OR2L2: variants seen among roughly 807,000 people sequenced by gnomAD.
OR2L2 encodes the protein olfactory receptor 2L2.
For missense variants in OR2L2, 378 were observed against 375.2 expected, an observed-to-expected ratio of 1.01 and a Z score of -0.06; for synonymous variants, 156 against 135.4, an observed-to-expected ratio of 1.15 and a Z score of -1.06.
chr1:248,039,007 T>C lies in OR2L2; in HGVS notation c.740T>C (p.Val247Ala), dbSNP rs143479944. Residue 247 changes from valine to alanine, a missense_variant, in exon 3 of 3, where the codon GTG becomes GCG. Val to Ala is a moderately conservative substitution (Grantham distance 64). Transcript: ENST00000641771. ...YSTCSTHLTV[V>A]SFYYAPFAYT... Reference sequence around the variant, plus strand: ...ACCTGTAGCACCCACCTCACTGTAGTGTCCTTCTACTATGCACCCTTTGCT... The same window carrying C: ...ACCTGTAGCACCCACCTCACTGTAGCGTCCTTCTACTATGCACCCTTTGCT... 3.3e-5 allele frequency: 53 copies of C among 1,613,990 alleles called. No individual in the cohort carries two copies. The Admixed American group carries it at 6.0e-4, about 18-fold the overall frequency.
rs1012988649 is a variant in OR2L2 at position 248,041,347 on chromosome 1, C to T, written c.*2141C>T. ...CTGGATCCCTTCCTTACACCTTATA[C>T]AAAAATCAATTCAAGATGGATTAAA... is the stretch of plus-strand genomic sequence containing the variant. On this transcript the variant is annotated 3_prime_UTR_variant, in exon 3 of 3. Coordinates refer to ENST00000641771, the MANE Select transcript of OR2L2 (RefSeq NM_001385855.1). The T allele has an allele frequency of 6.6e-6, 1 of 152,022 alleles. No homozygotes were observed. Among genetic ancestry groups the T allele is most frequent in the Non-Finnish European group, 1.5e-5 (1 of 68,000 alleles). The allele number at this position is 152,022 out of a possible 1,614,324, so 9.4% of individuals were successfully genotyped here. A position where few individuals can be genotyped will look rare whatever the true frequency, so the allele number is the denominator to read the frequency against.
rs1216195487 is a variant in OR2L2 at position 248,040,605 on chromosome 1, T to C, written c.*1399T>C. 1 of 152,218 alleles carries C rather than the reference T, an allele frequency of 6.6e-6. No homozygotes were observed. Among genetic ancestry groups the C allele is most frequent in the African/African-American group, 2.4e-5 (1 of 41,456 alleles). The allele number at this position is 152,218 out of a possible 1,614,324, so 9.4% of individuals were successfully genotyped here. A position where few individuals can be genotyped will look rare whatever the true frequency, so the allele number is the denominator to read the frequency against. ...AAATAAATAGTAAACATATTTTCTC[T>C]TTCTGATGATTTTCTCAATAAGATA... On this transcript the variant is annotated 3_prime_UTR_variant, in exon 3 of 3. Transcript: ENST00000641771.
At position 248,038,705 on chromosome 1, in the gene OR2L2, AT is replaced by A; in HGVS notation, c.439del (p.Ser147LeufsTer3). The A allele has an allele frequency of 6.2e-7, 1 of 1,614,076 alleles. No homozygotes were observed. Among genetic ancestry groups the A allele is most frequent in the South Asian group, 1.1e-5 (1 of 91,080 alleles). On this transcript the variant is annotated frameshift_variant, in exon 3 of 3. Transcript: ENST00000641771. LOFTEE classifies it low-confidence loss of function (END_TRUNC). Reference sequence around the variant, plus strand: ...GAGTGTGTGTGATGATGATAACAGGATCTTGGATGATAAGCTCTATCAACTC... The same window carrying A: ...GAGTGTGTGTGATGATGATAACAGGACTTGGATGATAAGCTCTATCAACTC... ...KRVCVMMITG[S>X]WMISSINSCA...
At chr1:248,031,971 C>A (rs1201386879) in intron 1 of OR2L2, among the ~76,000 whole-genome samples, 1 of 151,764 alleles carries the variant, frequency 6.6e-6, no homozygotes, top group African/African-American at 2.4e-5. Context: ...CATCGACTGC[C>A]CTATATAAAA....
At chr1:248,036,278 C>T (rs573626463) in intron 2 of OR2L2, among the ~76,000 whole-genome samples, 15 of 151,764 alleles carry the variant, frequency 9.9e-5, no homozygotes, top group East Asian at 3.9e-4. Context: ...TTTTCACTTT[C>T]GTATTTTGAA....
rs906454119 is a variant in OR2L2, at chr1:248,041,246, C to G, written c.*2040C>G. The stretch of plus-strand genomic sequence containing the variant: ...TGATCTTTGACAAACCTGAGAAAAA[C>G]AAGCAATGGGGAAAGGATTCCCTAT... On this transcript the variant is annotated 3_prime_UTR_variant, in exon 3 of 3. Transcript: ENST00000641771. 11 of 152,064 alleles carry G rather than the reference C, an allele frequency of 7.2e-5. No individual in the cohort carries two copies. Among genetic ancestry groups the G allele is most frequent in the Non-Finnish European group, 1.0e-4 (7 of 68,006 alleles). 9.4% of individuals were successfully genotyped at this position (152,064 alleles called of 1,614,324 possible).
In OR2L2 at chr1:248,038,397, A is replaced by G. The variant is rs575003795; in HGVS notation, c.130A>G (p.Met44Val). 1 of 1,613,680 alleles carries G rather than the reference A, an allele frequency of 6.2e-7. No homozygotes were observed. The highest frequency in any genetic ancestry group is 2.2e-5 in the East Asian group (1 of 44,868). ...FLMALIGNLS[M>V]ILLIFLDIHL... The stretch of plus-strand genomic sequence containing the variant: ...AATGGCTCTAATTGGAAATCTATCC[A>G]TGATTCTTCTCATCTTTTTGGACAT... Residue 44 changes from methionine to valine, a missense_variant, in exon 3 of 3, where the codon ATG (methionine) becomes GTG (valine). Transcript: ENST00000641771.
Position 248,038,786 on chromosome 1 carries a change from C to T in OR2L2, c.519C>T (p.Ile173=). Reference sequence around the variant, plus strand: ...TCCCATATTGCAAGTCCAGAGCCATCAATCATTTTTTCTGTGATGTTCCAG... The same window carrying T: ...TCCCATATTGCAAGTCCAGAGCCATTAATCATTTTTTCTGTGATGTTCCAG... ...LCIPYCKSRA[I]NHFFCDVPAM... Residue 173 remains isoleucine, a synonymous_variant, in exon 3 of 3, where the codon ATC becomes ATT. Transcript: ENST00000641771. 6.2e-7 allele frequency: 1 copy of T among 1,614,176 alleles called. No homozygotes were observed. The highest frequency in any genetic ancestry group is 8.5e-7 in the Non-Finnish European group (1 of 1,180,038).
chr1:248,039,077 C>A lies in OR2L2; in HGVS notation c.810C>A (p.Asp270Glu), dbSNP rs777289994. The A allele has an allele frequency of 3.7e-5, 60 of 1,613,964 alleles. No homozygotes were observed. The highest frequency in any genetic ancestry group is 4.9e-5 in the Non-Finnish European group (58 of 1,180,004). ...RPRSLRSPTE[D>E]KILAVFYTIL... is the part of the protein sequence containing the mutation. ...GATCCCTGCGATCTCCAACAGAGGA[C>A]AAGATTCTGGCTGTTTTCTACACCA... Residue 270 changes from aspartate (D) to glutamate (E), a missense_variant, in exon 3 of 3, where the codon GAC becomes GAA. Transcript: ENST00000641771.
In OR2L2 at chr1:248,038,774, G is replaced by A; in HGVS notation, c.507G>A (p.Lys169=). The A allele has an allele frequency of 1.2e-6, 2 of 1,614,148 alleles. No individual in the cohort carries two copies. The highest frequency in any genetic ancestry group is 1.7e-4 in the Middle Eastern group (1 of 6,060). ...ATGCACTCTGTATCCCATATTGCAA[G>A]TCCAGAGCCATCAATCATTTTTTCT... The part of the protein sequence containing the change: ...TVYALCIPYC[K]SRAINHFFCD... The change falls in exon 3 of 3, where the codon AAG becomes AAA. Residue 169 remains lysine (K), a synonymous_variant. Transcript: ENST00000641771.
chr1:248,038,567 TTTC>T lies in OR2L2; in HGVS notation c.309_311del (p.Phe103del), dbSNP rs1341056442. 5 of 1,614,170 alleles carry T rather than the reference TTTC, an allele frequency of 3.1e-6. No homozygotes were observed. The highest frequency in any genetic ancestry group is 2.2e-5 in the South Asian group (2 of 91,076). On this transcript the variant is annotated inframe_deletion, in exon 3 of 3. Coordinates refer to ENST00000641771, the MANE Select transcript of OR2L2 (RefSeq NM_001385855.1). ...CCTTCACTGGATGTGGGATTCAGAG[TTTC>T]TTCTTCTTGACTTTAGCAGTTGCAG...
intron 2 of OR2L2, among the ~76,000 whole-genome samples, chr1:248,036,717 C>G (rs972987177): frequency 6.6e-6 from 1 of 152,152 alleles, no homozygotes; most frequent in Admixed American, 6.5e-5. Flanking sequence ...GAAGAATACT[C>G]GAACCACCTC....
intron 2 of OR2L2, among the ~76,000 whole-genome samples, chr1:248,036,480 T>A (rs1344475115): frequency 6.6e-6 from 1 of 152,198 alleles, no homozygotes; most frequent in Non-Finnish European, 1.5e-5. Context: ...TTTGTGATAG[T>A]TTTAACTCAG....
chr1:248,038,963 G>T lies in OR2L2; in HGVS notation c.696G>T (p.Gly232=). ...LAVYRMHSAE[G]RKKAYSTCST... Reference sequence around the variant, plus strand: ...TCTACCGCATGCACTCTGCAGAAGGGAGGAAGAAGGCCTATTCAACCTGTA... The same window carrying T: ...TCTACCGCATGCACTCTGCAGAAGGTAGGAAGAAGGCCTATTCAACCTGTA... The change falls in exon 3 of 3, where the codon GGG becomes GGT. Residue 232 remains glycine, a synonymous_variant. Transcript: ENST00000641771. 2 of 1,614,048 alleles carry T rather than the reference G, an allele frequency of 1.2e-6. No homozygotes were observed. Among genetic ancestry groups the T allele is most frequent in the Non-Finnish European group, 1.7e-6 (2 of 1,179,998 alleles).
chr1:248,034,422 T>TAA (rs201001933), intron 1 of OR2L2, among the ~76,000 whole-genome samples: 1 of 152,050 alleles, frequency 6.6e-6, no homozygotes, highest in African/African-American at 2.4e-5. Context: ...ATTTTGTCCT[T>TAA]AAAAAAACGT....
Position 248,040,943 on chromosome 1 carries a change from T to C in OR2L2, c.*1737T>C, listed in dbSNP as rs1662933011. Reference sequence around the variant, plus strand: ...TCATTTCAATTAAGCATTTAGAGTTTACTAGAGTACTGAATAATTTAAATT... The same window carrying C: ...TCATTTCAATTAAGCATTTAGAGTTCACTAGAGTACTGAATAATTTAAATT... On this transcript the variant is annotated 3_prime_UTR_variant, in exon 3 of 3. Coordinates refer to ENST00000641771, the MANE Select transcript of OR2L2 (RefSeq NM_001385855.1). 1 of 152,212 alleles carries C rather than the reference T, an allele frequency of 6.6e-6. No homozygotes were observed. The highest frequency in any genetic ancestry group is 2.4e-5 in the African/African-American group (1 of 41,452). The allele number at this position is 152,212 out of a possible 1,614,324, so 9.4% of individuals were successfully genotyped here.
intron 1 of OR2L2, among the ~76,000 whole-genome samples, chr1:248,031,617 G>T (rs972374228): frequency 2.0e-5 from 3 of 152,270 alleles, no homozygotes; most frequent in Middle Eastern, 3.4e-3. Flanking sequence ...GGCAGAGCTG[G>T]GCTGTAAATT....
intron 1 of OR2L2, among the ~76,000 whole-genome samples, chr1:248,032,405 G>A (rs780187938): frequency 2.0e-5 from 3 of 151,964 alleles, no homozygotes; most frequent in Non-Finnish European, 2.9e-5. Context: ...TCAGGTCTGT[G>A]GCACTAAGTA....
intron 2 of OR2L2, 70 bp from the exon 3 acceptor site, chr1:248,038,177 G>A: frequency 1.1e-6 from 1 of 897,972 alleles, no homozygotes; most frequent in Non-Finnish European, 1.8e-6. Flanking sequence ...TCCACTGGGA[G>A]TCTTGTAATG....
Sources: allele counts gnomAD v4.1 joint callset (sites outside exome capture counted in the v4.1 genomes callset), GRCh38; gene constraint gnomAD v4.1.1; transcripts MANE v1.5; gene names NCBI Gene and HGNC (gene_info 2026-07-23, HGNC 2026-07-21).